The following CA5B variants were observed in gnomAD, a reference collection of about 807,000 sequenced individuals.
The protein encoded by CA5B is carbonic anhydrase 5B, mitochondrial.
A neutral mutation model predicts 23.1 loss-of-function variants in CA5B; 15 were observed. That is an observed-to-expected ratio of 0.65 (90% CI 0.43 to 1.00). The LOEUF (loss-of-function observed/expected upper bound fraction) is 1.00. Ranked by LOEUF, CA5B falls within the 50% of genes least tolerant of loss-of-function variation. The pLI, the probability that CA5B is intolerant of heterozygous loss-of-function variation, is 0.00. For missense variants in CA5B, 236 were observed against 252.2 expected, an observed-to-expected ratio of 0.94 and a Z score of 0.43; for synonymous variants, 84 against 98.5, an observed-to-expected ratio of 0.85 and a Z score of 0.87.
intron 3 of CA5B, 82 bp downstream of exon 3, chrX:15,764,857 G>T: frequency 1.1e-6 from 1 of 942,184 alleles, no homozygotes; most frequent in Non-Finnish European, 1.5e-6. Flanking sequence ...CTCTCTCCAT[G>T]ATAGTATTGA....
In CA5B at chrX:15,782,597, TC is replaced by T; in HGVS notation, c.889del (p.Arg297GlyfsTer6). The T allele has an allele frequency of 8.3e-7, 1 of 1,209,648 alleles. No homozygotes were observed. The highest frequency in any genetic ancestry group is 1.8e-5 in the South Asian group (1 of 56,393). On this transcript the variant is annotated frameshift_variant, in exon 8 of 8. Coordinates refer to ENST00000318636, the MANE Select transcript of CA5B (RefSeq NM_007220.4). LOFTEE classifies it high-confidence loss of function. ...ATGAATCGCACTGTTCGTTCATCCT[TC>T]CGGCATGATTATGTGCTGAATGTAC... ...PLMNRTVRSS[F>X]RHDYVLNVQA...
rs867100163 is a variant in CA5B at position 15,772,549 on chromosome X, C to T, written c.394C>T (p.His132Tyr). The T allele has an allele frequency of 1.7e-6, 2 of 1,208,976 alleles. No homozygotes were observed. The highest frequency in any genetic ancestry group is 2.3e-4 in the Middle Eastern group (1 of 4,349). Residue 132 changes from histidine to tyrosine, a missense_variant, in exon 4 of 8, where the codon CAC (histidine) becomes TAC (tyrosine). Around this residue, in one of 3 missense-constraint regions of CA5B, gnomAD observed 170 missense variants for 162.0 expected, o/e 1.05. Coordinates refer to ENST00000318636, the MANE Select transcript of CA5B (RefSeq NM_007220.4). ...CTACCGATTGAAGCAGTTCCATTTT[C>T]ACTGGGGGGCCATCGATGCCTGGGG... The part of the protein sequence containing the change: ...HNYRLKQFHF[H>Y]WGAIDAWGSE...
At chrX:15,781,665 C>T (rs989134290) in intron 7 of CA5B, among the ~76,000 whole-genome samples, 1 of 111,581 alleles carries the variant, frequency 9.0e-6, no homozygotes, top group Non-Finnish European at 1.9e-5. Flanking sequence ...GTAATCCCAG[C>T]ACTTTGGGAG....
At position 15,762,576 on chromosome X, in the gene CA5B, G is replaced by A. The variant is rs181624289; in HGVS notation, c.143-2002G>A. Among the ~76,000 whole-genome samples, 137 of 109,639 alleles carry A rather than the reference G, an allele frequency of 1.2e-3. 1 individual carries two copies. Among genetic ancestry groups the A allele is most frequent in the African/African-American group, 3.8e-3 (113 of 30,113 alleles). ...CCTGCCTCAGCCTCCCAAGTAGCTG[G>A]GACTACAGGCGTGTGCCACCACACC... On this transcript the variant is annotated intron_variant, in intron 2 of 7. Coordinates refer to ENST00000318636, the MANE Select transcript of CA5B (RefSeq NM_007220.4).
rs1267345596 is a variant in CA5B, at chrX:15,788,339, C to T, written c.*5675C>T. 8.9e-6 allele frequency: 1 copy of T among 112,017 alleles called. No homozygotes were observed. Among genetic ancestry groups the T allele is most frequent in the Admixed American group, 9.5e-5 (1 of 10,511 alleles). The allele number at this position is 112,017 out of a possible 1,213,427, so 9.2% of individuals were successfully genotyped here. On this transcript the variant is annotated 3_prime_UTR_variant, in exon 8 of 8. Transcript: ENST00000318636. Reference sequence around the variant, plus strand: ...AAAGTTTTGGAGGCATTCACTATTGCTAGGCACTGTATCAGCATATAACAT... The same window carrying T: ...AAAGTTTTGGAGGCATTCACTATTGTTAGGCACTGTATCAGCATATAACAT...
chrX:15,771,583 C>A lies in CA5B; in HGVS notation c.341-913C>A, dbSNP rs1272345870. 5.2e-5 allele frequency among the ~76,000 whole-genome samples: 5 copies of A among 96,922 alleles called. No homozygotes were observed. The South Asian group carries it at 2.4e-3, about 46-fold the overall frequency. The allele number at this position is 96,922 out of a possible 115,157, so 84.2% of individuals were successfully genotyped here. On this transcript the variant is annotated intron_variant, in intron 3 of 7. Transcript: ENST00000318636. Reference sequence around the variant, plus strand: ...CTGGGACTACAGGCATGGGCCACCACGCCCAGCTAATTTTTTTTTTTTTTT... The same window carrying A: ...CTGGGACTACAGGCATGGGCCACCAAGCCCAGCTAATTTTTTTTTTTTTTT...
At chrX:15,750,414 T>G (rs1165472765) in intron 2 of CA5B, 10 of 276,005 alleles carry the variant, frequency 3.6e-5, no homozygotes, top group African/African-American at 1.1e-4. Context: ...TGAAAGTAAA[T>G]GTAGAATGTT....
intron 2 of CA5B, among the ~76,000 whole-genome samples, chrX:15,752,418 A>G (rs1023421674): frequency 2.7e-5 from 3 of 112,081 alleles, no homozygotes; most frequent in African/African-American, 9.7e-5. Flanking sequence ...GCATGGGGGA[A>G]AATTTGTATC....
At chrX:15,747,520 G>C (rs957847866) in intron 1 of CA5B, among the ~76,000 whole-genome samples, 3 of 109,536 alleles carry the variant, frequency 2.7e-5, no homozygotes, top group Non-Finnish European at 5.7e-5. Flanking sequence ...TGGCAGGAGG[G>C]GGGGTAGAAG....
At chrX:15,763,883 G>C (rs1210799929) in intron 2 of CA5B, among the ~76,000 whole-genome samples, 2 of 112,140 alleles carry the variant, frequency 1.8e-5, no homozygotes, top group Non-Finnish European at 3.8e-5. Context: ...GGCGTCCAAA[G>C]GCTGGGAAGC....
At chrX:15,776,437 G>C (rs1301032152) in intron 6 of CA5B, among the ~76,000 whole-genome samples, 2 of 111,143 alleles carry the variant, frequency 1.8e-5, no homozygotes, top group Admixed American at 1.9e-4. Context: ...ACTCAGAGGA[G>C]ACTACCTGCT....
intron 2 of CA5B, among the ~76,000 whole-genome samples, chrX:15,757,638 G>A (rs1931519466): frequency 9.2e-6 from 1 of 109,165 alleles, no homozygotes; most frequent in Non-Finnish European, 1.9e-5. Context: ...AACGCAGGAG[G>A]TGGAGGTTGC....
intron 7 of CA5B, among the ~76,000 whole-genome samples, chrX:15,778,936 TAGATAA>T (rs1400649592): frequency 4.5e-5 from 5 of 110,585 alleles, no homozygotes; most frequent in African/African-American, 1.3e-4. Context: ...ACACCAGATA[TAGATAA>T]AGATAAAAAA....
At position 15,782,586 on chromosome X, in the gene CA5B, TC is replaced by T; in HGVS notation, c.877del (p.Arg293ValfsTer10). Reference sequence around the variant, plus strand: ...TTCAGCCACTGATGAATCGCACTGTTCGTTCATCCTTCCGGCATGATTATGT... The same window carrying T: ...TTCAGCCACTGATGAATCGCACTGTTGTTCATCCTTCCGGCATGATTATGT... ...PLQPLMNRTV[R>X]SSFRHDYVLN... On this transcript the variant is annotated frameshift_variant, in exon 8 of 8. Coordinates refer to ENST00000318636, the MANE Select transcript of CA5B (RefSeq NM_007220.4). LOFTEE classifies it high-confidence loss of function. 8.3e-7 allele frequency: 1 copy of T among 1,208,942 alleles called. No homozygotes were observed.
At chrX:15,760,133 C>T (rs1931574553) in intron 2 of CA5B, among the ~76,000 whole-genome samples, 1 of 111,253 alleles carries the variant, frequency 9.0e-6, no homozygotes, top group African/African-American at 3.3e-5. Context: ...TTCATTTTCC[C>T]TATACAAGAA....
At chrX:15,743,811 G>C in intron 1 of CA5B, among the ~76,000 whole-genome samples, 1 of 111,904 alleles carries the variant, frequency 8.9e-6, no homozygotes, top group Middle Eastern at 4.6e-3. Context: ...ATTAATAGCA[G>C]ACTTGGAATG....
chrX:15,782,703 T>TA lies in CA5B; in HGVS notation c.*40dup. ...AGGCAGTATTTTGCTTTTGCTTTAA[T>TA]ATATACTAGCTTACTATAAATTGTT... On this transcript the variant is annotated 3_prime_UTR_variant, in exon 8 of 8. Transcript: ENST00000318636. 9.9e-7 allele frequency: 1 copy of TA among 1,013,752 alleles called. No homozygotes were observed. Among genetic ancestry groups the TA allele is most frequent in the Non-Finnish European group, 1.3e-6 (1 of 744,439 alleles). 83.5% of individuals were successfully genotyped at this position (1,013,752 alleles called of 1,213,427 possible).
chrX:15,760,276 C>A (rs1023037636), intron 2 of CA5B, among the ~76,000 whole-genome samples: 3 of 110,953 alleles, frequency 2.7e-5, no homozygotes, highest in African/African-American at 9.8e-5. Context: ...TAGGAGAGAA[C>A]AAAAGTGTCA....
intron 3 of CA5B, among the ~76,000 whole-genome samples, chrX:15,767,620 C>T (rs896990583): frequency 9.1e-6 from 1 of 109,621 alleles, no homozygotes; most frequent in Non-Finnish European, 1.9e-5. Flanking sequence ...CGGAGTTTTG[C>T]TCTTGTTGCC....
Sources: allele counts gnomAD v4.1 joint callset (sites outside exome capture counted in the v4.1 genomes callset), GRCh38; gene constraint gnomAD v4.1.1; regional missense constraint gnomAD v4.1.1; transcripts MANE v1.5; gene names NCBI Gene and HGNC (gene_info 2026-07-23, HGNC 2026-07-21).